JAK2: variants seen among roughly 807,000 people sequenced by gnomAD.
JAK2 encodes the protein Janus kinase 2.
JAK2 carries 86 observed loss-of-function variants against 139.3 expected under a neutral mutation model. That is an observed-to-expected ratio of 0.62 (90% confidence interval 0.52 to 0.74). The LOEUF (loss-of-function observed/expected upper bound fraction) is 0.74. Among genes scored for constraint, JAK2 ranks in the 30% least tolerant of loss-of-function variants. JAK2 has a pLI of 0.00. For synonymous variants in JAK2, 490 were observed against 437.7 expected (o/e 1.12, Z -1.49); for missense variants, 1,421 against 1,360.3 (o/e 1.04, Z -0.70).
At chr9:5,066,424 C>G (rs1017574144) in intron 9 of JAK2, among the ~76,000 whole-genome samples, 1 of 151,938 alleles carries the variant, frequency 6.6e-6, no homozygotes, top group Non-Finnish European at 1.5e-5. Flanking sequence ...ACAAATTGTT[C>G]TTTGTGATTT....
Position 5,080,578 on chromosome 9 carries a change from T to G in JAK2, c.2329T>G (p.Trp777Gly). Residue 777 changes from tryptophan to glycine, a missense_variant, in exon 18 of 25, where the codon TGG becomes GGG. Coordinates refer to ENST00000381652, the MANE Select transcript of JAK2 (RefSeq NM_004972.4). ...TAGGCATCAGCTTCCTGCACCAAAGTGGGCAGAATTAGCAAACCTTATAAA... is the reference window on the plus strand; with the variant it reads ...TAGGCATCAGCTTCCTGCACCAAAGGGGGCAGAATTAGCAAACCTTATAAA... ...EDRHQLPAPKWAELANLINNC... is the reference protein window; with the variant it reads ...EDRHQLPAPKGAELANLINNC... The G allele has an allele frequency of 6.2e-7, 1 of 1,602,402 alleles. No homozygotes were observed. Among genetic ancestry groups the G allele is most frequent in the East Asian group, 2.2e-5 (1 of 44,808 alleles).
Position 5,064,886 on chromosome 9 carries a change from A to G in JAK2, c.1060A>G (p.Ile354Val). The change falls in exon 9 of 25, where the codon ATT (isoleucine) becomes GTT (valine). Residue 354 changes from isoleucine (I) to valine (V), a missense_variant. By Grantham distance (29) the Ile-to-Val change is conservative. Coordinates refer to ENST00000381652, the MANE Select transcript of JAK2 (RefSeq NM_004972.4). ...IHKQDGKNLEIELSSLREALS... is the reference protein window; with the variant it reads ...IHKQDGKNLEVELSSLREALS... ...TCTTTTTCTTTTCTCTGCTTAGGAA[A>G]TTGAACTTAGCTCATTAAGGGAAGC... 6.4e-7 allele frequency: 1 copy of G among 1,571,838 alleles called. No homozygotes were observed. Among genetic ancestry groups the G allele is most frequent in the Non-Finnish European group, 8.6e-7 (1 of 1,159,968 alleles).
chr9:5,090,623 A>G, intron 21 of JAK2, 53 bp downstream of exon 21: 1 of 1,538,900 alleles, frequency 6.5e-7, no homozygotes, highest in African/African-American at 1.4e-5. Flanking sequence ...GTTGAAGTAG[A>G]CATTAGGAAA....
intron 9 of JAK2, among the ~76,000 whole-genome samples, chr9:5,065,480 C>A (rs934934726): frequency 6.6e-6 from 1 of 152,178 alleles, no homozygotes; most frequent in African/African-American, 2.4e-5. Flanking sequence ...CTATGTAGAA[C>A]TTCCTGCAGC....
chr9:5,119,396 T>G (rs1338542161), intron 22 of JAK2, among the ~76,000 whole-genome samples: 1 of 152,076 alleles, frequency 6.6e-6, no homozygotes, highest in Non-Finnish European at 1.5e-5. Flanking sequence ...CACTTTCATG[T>G]ATAATTTTGT....
At chr9:5,004,676 C>T (rs1821156620) in intron 2 of JAK2, among the ~76,000 whole-genome samples, 1 of 151,938 alleles carries the variant, frequency 6.6e-6, no homozygotes, top group Non-Finnish European at 1.5e-5. Flanking sequence ...TATGGTAGTT[C>T]CATTTTAATT....
intron 22 of JAK2, among the ~76,000 whole-genome samples, chr9:5,104,832 C>A (rs1270623267): frequency 6.6e-6 from 1 of 152,106 alleles, no homozygotes; most frequent in Non-Finnish European, 1.5e-5. Flanking sequence ...AATAGATGCA[C>A]AAAAGGTCTT....
chr9:5,014,737 T>G (rs1237502877), intron 2 of JAK2, among the ~76,000 whole-genome samples: 1 of 152,334 alleles, frequency 6.6e-6, no homozygotes, highest in African/African-American at 2.4e-5. Context: ...AGAATAGATG[T>G]AACTTATATG....
intron 22 of JAK2, among the ~76,000 whole-genome samples, chr9:5,095,676 G>A (rs893421761): frequency 7.9e-5 from 12 of 151,982 alleles, no homozygotes; most frequent in East Asian, 3.8e-4. Context: ...CAATAAACAC[G>A]ACCAGTCTCC....
In JAK2 at chr9:5,040,957, T is replaced by C. The variant is rs1302919032; in HGVS notation, c.351-3446T>C. 1.5e-5 allele frequency: 8 copies of C among 531,790 alleles called. No homozygotes were observed. In the Admixed American group the frequency reaches 1.8e-4, roughly 12 times the overall value. The allele number at this position is 531,790 out of a possible 1,614,324, so 32.9% of individuals were successfully genotyped here. A position where few individuals can be genotyped will look rare whatever the true frequency, so the allele number is the denominator to read the frequency against. On this transcript the variant is annotated intron_variant, in intron 4 of 24. Transcript: ENST00000381652. ...ATGGCGGAGCCAAGGAAAGAATCTCTATACAAACAAATATGTGGCTATCAA... is the reference window on the plus strand; with the variant it reads ...ATGGCGGAGCCAAGGAAAGAATCTCCATACAAACAAATATGTGGCTATCAA...
At chr9:5,060,847 G>A (rs1186582335) in intron 8 of JAK2, among the ~76,000 whole-genome samples, 1 of 152,088 alleles carries the variant, frequency 6.6e-6, no homozygotes, top group Admixed American at 6.6e-5. Context: ...ACTATCTATG[G>A]CAGCTTAGCC....
chr9:5,076,103 AG>A (rs1819291261), intron 14 of JAK2, among the ~76,000 whole-genome samples: 1 of 152,210 alleles, frequency 6.6e-6, no homozygotes, highest in Admixed American at 6.5e-5. Context: ...CCCTGAAAGA[AG>A]GAGGAGTTGC....
intron 19 of JAK2, among the ~76,000 whole-genome samples, chr9:5,082,542 G>C (rs569130466): frequency 3.0e-4 from 46 of 152,382 alleles, no homozygotes; most frequent in African/African-American, 9.6e-4. Context: ...GCAGGAGACA[G>C]TGGCCTTCCT....
In JAK2 at chr9:5,066,715, A is replaced by AATC. The variant is rs1321788776; in HGVS notation, c.1254_1256dup (p.Asn418_Gln419insHis). The AATC allele has an allele frequency of 6.2e-7, 1 of 1,610,482 alleles. No individual in the cohort carries two copies. The highest frequency in any genetic ancestry group is 1.7e-5 in the Admixed American group (1 of 59,726). On this transcript the variant is annotated inframe_insertion, in exon 10 of 25. Coordinates refer to ENST00000381652, the MANE Select transcript of JAK2 (RefSeq NM_004972.4). Reference sequence around the variant, plus strand: ...CATTAGTAAACTGAAGAAAGCAGGTAATCAGACTGGACTGTATGTACTTCG... The same window carrying AATC: ...CATTAGTAAACTGAAGAAAGCAGGTAATCATCAGACTGGACTGTATGTACTTCG...
intron 22 of JAK2, chr9:5,111,745 CGGA>C (rs758998958): frequency 1.6e-4 from 67 of 427,556 alleles, no homozygotes; most frequent in Admixed American, 2.4e-4. Flanking sequence ...ACCGGCTGCA[CGGA>C]GGAGAAGTGA....
intron 13 of JAK2, among the ~76,000 whole-genome samples, 188 bp from the exon 14 acceptor site, chr9:5,073,510 C>T (rs763466308): frequency 6.6e-6 from 1 of 152,126 alleles, no homozygotes; most frequent in Non-Finnish European, 1.5e-5. Context: ...CAGGCTTACA[C>T]AGGGGTTTCC....
At chr9:4,990,788 G>A (rs183552909) in intron 2 of JAK2, among the ~76,000 whole-genome samples, 12 of 152,198 alleles carry the variant, frequency 7.9e-5, no homozygotes, top group African/African-American at 2.6e-4. Flanking sequence ...CTTTCCCTAC[G>A]TGGAAATAAC....
chr9:5,016,992 T>G (rs1822108101), intron 2 of JAK2, among the ~76,000 whole-genome samples: 1 of 152,184 alleles, frequency 6.6e-6, no homozygotes, highest in Non-Finnish European at 1.5e-5. Flanking sequence ...TTGATCAAGA[T>G]AAAGAAGAAT....
intron 14 of JAK2, among the ~76,000 whole-genome samples, chr9:5,076,986 A>G (rs1017831672): frequency 6.6e-6 from 1 of 151,936 alleles, no homozygotes; most frequent in Non-Finnish European, 1.5e-5. Context: ...ACATTTCTGT[A>G]TTTTTTGCAG....
Sources: gnomAD v4.1 joint callset for allele counts (sites outside exome capture counted in the v4.1 genomes callset) on GRCh38, gnomAD v4.1.1 for gene constraint, MANE v1.5 for transcripts, NCBI Gene and HGNC (gene_info 2026-07-23, HGNC 2026-07-21) for gene names.